The following MOB1A variants were observed in gnomAD, a reference collection of about 807,000 sequenced individuals.
MOB1A encodes MOB1 Mps One Binder homolog A.
Under a neutral mutation model 25.1 loss-of-function variants are expected in MOB1A, and 10 were observed. That is an observed-to-expected ratio of 0.40 (90% CI 0.25 to 0.68). The LOEUF (loss-of-function observed/expected upper bound fraction) is 0.68, where lower values mean the gene tolerates loss of function less well. Among genes scored for constraint, MOB1A ranks in the 30% least tolerant of loss-of-function variants. The pLI, the probability that MOB1A is intolerant of heterozygous loss-of-function variation, is 0.40. For missense variants in MOB1A, 177 were observed against 256.3 expected (o/e 0.69, Z 2.11); for synonymous variants, 81 against 79.5 (o/e 1.02, Z -0.10).
rs141658762 is a variant in MOB1A, at chr2:74,162,697, C to T, written c.409+2521G>A. Among the ~76,000 whole-genome samples, 475 of 152,152 alleles carry T rather than the reference C, an allele frequency of 3.1e-3. 4 individuals are homozygous for T. Among genetic ancestry groups the T allele is most frequent in the African/African-American group, 0.011 (457 of 41,520 alleles). On this transcript the variant is annotated intron_variant, in intron 4 of 5. Transcript: ENST00000396049. ...GCAGAATGGAAAAACTGACCAACAA[C>T]AAACAGACCAAATGTTAACAACTTG... is the stretch of plus-strand genomic sequence containing the variant.
At position 74,159,254 on chromosome 2, in the gene MOB1A, C is replaced by A. The variant is rs1232038450; in HGVS notation, c.410G>T (p.Gly137Val). Reference protein sequence around the residue: ...DDETLFPSKIGVPFPKNFMSV... With the variant: ...DDETLFPSKIVVPFPKNFMSV... ...CATAAAGTTTTTGGGAAATGGGACA[C>A]CTGCAATTAAATACACATATGAAAC... The change falls in exon 5 of 6, where the codon GGT (glycine) becomes GTT (valine). Residue 137 changes from glycine (G) to valine (V), a missense_variant and splice_region_variant. Physicochemically the swap from Gly to Val is moderately radical, Grantham distance 109. Transcript: ENST00000396049. 2 of 1,612,202 alleles carry A rather than the reference C, an allele frequency of 1.2e-6. No individual in the cohort carries two copies. Among genetic ancestry groups the A allele is most frequent in the Non-Finnish European group, 8.5e-7 (1 of 1,179,026 alleles).
chr2:74,172,884 GC>G (rs1693336328), intron 1 of MOB1A, 132 bp from the exon 2 acceptor site: 2 of 934,802 alleles, frequency 2.1e-6, no homozygotes, highest in African/African-American at 3.3e-5. Flanking sequence ...AGGCATGGTG[GC>G]TCATGCCTGT....
At chr2:74,159,305 A>G (rs933228474) in intron 4 of MOB1A, 51 bp from the exon 5 acceptor site, 2 of 1,544,744 alleles carry the variant, frequency 1.3e-6, no homozygotes, top group Non-Finnish European at 1.8e-6. Flanking sequence ...TAACAGTAGA[A>G]AGTTGTTTAT....
chr2:74,178,764 T>C lies in MOB1A; in HGVS notation c.-90A>G, dbSNP rs1693554161. On this transcript the variant is annotated 5_prime_UTR_variant, in exon 1 of 6. Transcript: ENST00000396049. ...CTAGAGGGAGCGGACCGTCCTTAGC[T>C]CACGGGCAGCGGAAGCCGGGCCGCC... 5.2e-6 allele frequency: 2 copies of C among 388,312 alleles called. No individual in the cohort carries two copies. Among genetic ancestry groups the C allele is most frequent in the Non-Finnish European group, 4.0e-6 (1 of 247,802 alleles). The allele number at this position is 388,312 out of a possible 1,614,324, so 24.1% of individuals were successfully genotyped here.
chr2:74,166,960 T>C (rs1693146927), intron 3 of MOB1A, 54 bp downstream of exon 3: 14 of 1,237,116 alleles, frequency 1.1e-5, no homozygotes, highest in Non-Finnish European at 1.6e-5. Context: ...TTTCTATCAA[T>C]TGGTGATAAA....
chr2:74,178,517 C>T, intron 1 of MOB1A, 144 bp downstream of exon 1: 1 of 491,986 alleles, frequency 2.0e-6, no homozygotes, highest in Non-Finnish European at 3.3e-6. Flanking sequence ...CGGCCTCCCC[C>T]GCGGACCCGA....
intron 1 of MOB1A, among the ~76,000 whole-genome samples, chr2:74,174,643 T>C (rs1313650559): frequency 2.0e-5 from 3 of 152,180 alleles, no homozygotes; most frequent in Non-Finnish European, 4.4e-5. Context: ...CATAAAGTCT[T>C]CCTGCACAAA....
chr2:74,156,263 A>G lies in MOB1A; in HGVS notation c.*305T>C, dbSNP rs991268474. 1.9e-4 allele frequency: 46 copies of G among 239,448 alleles called. No individual in the cohort carries two copies. The highest frequency in any genetic ancestry group is 1.0e-3 in the African/African-American group (45 of 43,870). 14.8% of individuals were successfully genotyped at this position (239,448 alleles called of 1,614,324 possible). A position where few individuals can be genotyped will look rare whatever the true frequency, so the allele number is the denominator to read the frequency against. ...TTGTAAAGAAATGACTGAGTAAATG[A>G]GTAAAAGAATAATAAGTAAATTTAT... is the stretch of plus-strand genomic sequence containing the variant. On this transcript the variant is annotated 3_prime_UTR_variant, in exon 6 of 6. Coordinates refer to ENST00000396049, the MANE Select transcript of MOB1A (RefSeq NM_018221.5).
chr2:74,178,768 G>A lies in MOB1A; in HGVS notation c.-94C>T, dbSNP rs1473052969. 10 of 655,966 alleles carry A rather than the reference G, an allele frequency of 1.5e-5. No individual in the cohort carries two copies. Among genetic ancestry groups the A allele is most frequent in the Admixed American group, 4.6e-5 (1 of 21,740 alleles). The allele number at this position is 655,966 out of a possible 1,614,324, so 40.6% of individuals were successfully genotyped here. On this transcript the variant is annotated 5_prime_UTR_variant, in exon 1 of 6. Coordinates refer to ENST00000396049, the MANE Select transcript of MOB1A (RefSeq NM_018221.5). ...AGGGAGCGGACCGTCCTTAGCTCAC[G>A]GGCAGCGGAAGCCGGGCCGCCGCCG...
intron 1 of MOB1A, among the ~76,000 whole-genome samples, chr2:74,173,953 A>T: frequency 7.0e-6 from 1 of 143,038 alleles, no homozygotes. Flanking sequence ...CGTCTCAAAA[A>T]AAAAAAAAAA....
At chr2:74,160,252 T>C (rs1692930378) in intron 4 of MOB1A, among the ~76,000 whole-genome samples, 1 of 152,114 alleles carries the variant, frequency 6.6e-6, no homozygotes, top group Admixed American at 6.6e-5. Flanking sequence ...GAGGCCGTAG[T>C]GGACAGATTG....
intron 2 of MOB1A, among the ~76,000 whole-genome samples, chr2:74,169,922 C>T (rs1473392901): frequency 6.6e-6 from 1 of 152,100 alleles, no homozygotes; most frequent in Non-Finnish European, 1.5e-5. Context: ...AGCCACCATG[C>T]CCAGCTTGTA....
At chr2:74,157,334 T>C (rs1442348330) in intron 5 of MOB1A, among the ~76,000 whole-genome samples, 1 of 151,902 alleles carries the variant, frequency 6.6e-6, no homozygotes, top group Admixed American at 6.5e-5. Flanking sequence ...GGAGAGAGCA[T>C]GGAAGCCCCT....
rs1693384538 is a variant in MOB1A, at chr2:74,174,148, G to A, written c.15-1396C>T. Among the ~76,000 whole-genome samples, 3 of 150,998 alleles carry A rather than the reference G, an allele frequency of 2.0e-5. No individual in the cohort carries two copies. In the South Asian group the frequency reaches 6.3e-4, roughly 31 times the overall value. On this transcript the variant is annotated intron_variant, in intron 1 of 5. Transcript: ENST00000396049. ...TAGCTGGGCGTGGTGGCACACGCCTGTAGTCCCAGCTACTCGGGAAGCTGA... is the reference window on the plus strand; with the variant it reads ...TAGCTGGGCGTGGTGGCACACGCCTATAGTCCCAGCTACTCGGGAAGCTGA...
chr2:74,177,942 C>T (rs2103757654), intron 1 of MOB1A: 1 of 152,274 alleles, frequency 6.6e-6, no homozygotes, highest in Non-Finnish European at 1.5e-5. Context: ...AAATGAGATT[C>T]TAAGGTATGC....
intron 4 of MOB1A, among the ~76,000 whole-genome samples, chr2:74,161,988 C>CT (rs746314249): frequency 6.6e-6 from 1 of 151,898 alleles, no homozygotes; most frequent in Non-Finnish European, 1.5e-5. Flanking sequence ...AATCAAACAT[C>CT]TTTTTTTATC....
At chr2:74,162,307 C>T (rs543092384) in intron 4 of MOB1A, among the ~76,000 whole-genome samples, 1 of 152,146 alleles carries the variant, frequency 6.6e-6, no homozygotes, top group South Asian at 2.1e-4. Flanking sequence ...ATGGTGAAAC[C>T]CTGTCTCTAC....
In MOB1A at chr2:74,176,083, TACACACACACACACACAC is replaced by T. The variant is rs58496712; in HGVS notation, c.14+2560_14+2577del. Among the ~76,000 whole-genome samples, 28 of 129,316 alleles carry T rather than the reference TACACACACACACACACAC, an allele frequency of 2.2e-4. No individual in the cohort carries two copies. The East Asian group carries it at 3.4e-3, about 16-fold the overall frequency. The allele number at this position is 129,316 out of a possible 152,430, so 84.8% of individuals were successfully genotyped here. The stretch of plus-strand genomic sequence containing the variant: ...CAACATAGTGAAACCCCGCCTCTAC[TACACACACACACACACAC>T]ACACACACACACACACACACACAAA... On this transcript the variant is annotated intron_variant, in intron 1 of 5. Transcript: ENST00000396049.
At chr2:74,158,968 A>C in intron 5 of MOB1A, 123 bp downstream of exon 5, 1 of 951,926 alleles carries the variant, frequency 1.1e-6, no homozygotes, top group Non-Finnish European at 1.6e-6. Context: ...AACAAAACAG[A>C]AAAGAGAAGC....
Sources: gnomAD v4.1 joint callset for allele counts (sites outside exome capture counted in the v4.1 genomes callset) on GRCh38, gnomAD v4.1.1 for gene constraint, MANE v1.5 for transcripts, NCBI Gene and HGNC (gene_info 2026-07-23, HGNC 2026-07-21) for gene names.